ANGPT1: variants seen among roughly 807,000 people sequenced by gnomAD.
The protein encoded by ANGPT1 is angiopoietin 1.
Under a neutral mutation model 62.2 loss-of-function variants are expected in ANGPT1, and 17 were observed. The observed-to-expected ratio is 0.27, with a 90% confidence interval of 0.19 to 0.41. The LOEUF (loss-of-function observed/expected upper bound fraction) is 0.41, where lower values mean the gene tolerates loss of function less well. Among genes scored for constraint, ANGPT1 ranks in the 10% least tolerant of loss-of-function variants. The pLI, the probability that ANGPT1 is intolerant of heterozygous loss-of-function variation, is 1.00. For synonymous variants in ANGPT1, 199 were observed against 198.9 expected (o/e 1.00, Z 0.00); for missense variants, 478 against 594.9 (o/e 0.80, Z 2.04).
At chr8:107,331,081 T>C (rs1815409074) in intron 3 of ANGPT1, among the ~76,000 whole-genome samples, 1 of 152,168 alleles carries the variant, frequency 6.6e-6, no homozygotes, top group African/African-American at 2.4e-5. Context: ...CAAGTTACTT[T>C]AGCATTTTGT....
intron 6 of ANGPT1, 40 bp from the exon 7 acceptor site, chr8:107,284,888 G>C: frequency 7.2e-7 from 1 of 1,394,074 alleles, no homozygotes. Flanking sequence ...ACTTTAGAGA[G>C]GAATTCTTTT....
At chr8:107,287,232 C>T (rs1329289741) in intron 6 of ANGPT1, among the ~76,000 whole-genome samples, 1 of 152,126 alleles carries the variant, frequency 6.6e-6, no homozygotes, top group East Asian at 1.9e-4. Flanking sequence ...TCTCCAACTT[C>T]CCCAGGGAAA....
intron 3 of ANGPT1, among the ~76,000 whole-genome samples, chr8:107,332,196 T>TAAAACAATGGAA (rs1815438872): frequency 6.6e-6 from 1 of 152,192 alleles, no homozygotes; most frequent in Non-Finnish European, 1.5e-5. Flanking sequence ...TCCTACTTTG[T>TAAAACAATGGAA]GTTCATCTCA....
intron 5 of ANGPT1, among the ~76,000 whole-genome samples, chr8:107,296,489 T>A (rs986889127): frequency 1.3e-5 from 2 of 151,992 alleles, no homozygotes; most frequent in African/African-American, 4.8e-5. Flanking sequence ...AAATATAACT[T>A]CAATTTGAAT....
chr8:107,370,388 G>GA (rs755450545), intron 1 of ANGPT1, among the ~76,000 whole-genome samples: 2,117 of 54,122 alleles, frequency 0.039, 553 homozygotes, highest in Non-Finnish European at 0.077. Context: ...AAGAAAGAAA[G>GA]AAAGAAAGAA....
At chr8:107,487,139 A>G (rs1812834407) in intron 1 of ANGPT1, among the ~76,000 whole-genome samples, 2 of 152,054 alleles carry the variant, frequency 1.3e-5, no homozygotes, top group Admixed American at 1.3e-4. Context: ...AGGGACAGTC[A>G]CTGGTCTCTC....
At chr8:107,460,619 C>A (rs1239636489) in intron 1 of ANGPT1, among the ~76,000 whole-genome samples, 1 of 152,132 alleles carries the variant, frequency 6.6e-6, no homozygotes. Context: ...AGAAATATTT[C>A]TGCAACAAAC....
chr8:107,391,089 A>G (rs1315926585), intron 1 of ANGPT1, among the ~76,000 whole-genome samples: 9 of 152,230 alleles, frequency 5.9e-5, no homozygotes, highest in Non-Finnish European at 1.3e-4. Context: ...CAATGAAAAA[A>G]GTTTTAATTT....
At chr8:107,352,514 A>T (rs748128956) in intron 1 of ANGPT1, among the ~76,000 whole-genome samples, 9 of 151,790 alleles carry the variant, frequency 5.9e-5, no homozygotes, top group Non-Finnish European at 1.2e-4. Context: ...GACTCTCAAA[A>T]CCCTTGCGGG....
chr8:107,472,280 A>T (rs1318751727), intron 1 of ANGPT1, among the ~76,000 whole-genome samples: 1 of 152,036 alleles, frequency 6.6e-6, no homozygotes, highest in Non-Finnish European at 1.5e-5. Context: ...AAGTTTCTCC[A>T]GTGCAAAGTT....
At chr8:107,419,964 A>G (rs188955437) in intron 1 of ANGPT1, among the ~76,000 whole-genome samples, 3 of 152,328 alleles carry the variant, frequency 2.0e-5, no homozygotes, top group Non-Finnish European at 2.9e-5. Context: ...ACATCTCATT[A>G]GTTAATATGT....
intron 1 of ANGPT1, among the ~76,000 whole-genome samples, chr8:107,471,775 A>G (rs1234935380): frequency 6.6e-6 from 1 of 152,068 alleles, no homozygotes; most frequent in African/African-American, 2.4e-5. Context: ...TTCATGTTAC[A>G]ATAGAATTAT....
intron 4 of ANGPT1, among the ~76,000 whole-genome samples, chr8:107,306,784 C>T (rs1475858833): frequency 6.6e-6 from 1 of 151,836 alleles, no homozygotes; most frequent in Non-Finnish European, 1.5e-5. Context: ...AGTGGCTCAC[C>T]CTGTAATACC....
chr8:107,262,853 G>C (rs1372350769), intron 8 of ANGPT1, among the ~76,000 whole-genome samples: 2 of 151,942 alleles, frequency 1.3e-5, no homozygotes, highest in Admixed American at 1.3e-4. Context: ...TTTGCCATTG[G>C]GTTTTATCTT....
intron 1 of ANGPT1, among the ~76,000 whole-genome samples, chr8:107,399,392 A>G (rs181011397): frequency 6.6e-6 from 1 of 152,366 alleles, no homozygotes; most frequent in African/African-American, 2.4e-5. Context: ...TAAAAAAGTT[A>G]TCAGAATAAA....
At chr8:107,493,396 G>T (rs1813015429) in intron 1 of ANGPT1, among the ~76,000 whole-genome samples, 2 of 150,502 alleles carry the variant, frequency 1.3e-5, no homozygotes, top group Non-Finnish European at 1.5e-5. Context: ...CAACAGAGCT[G>T]ACCCTTAAAG....
At chr8:107,304,050 A>C (rs1179644446) in intron 4 of ANGPT1, among the ~76,000 whole-genome samples, 1 of 151,938 alleles carries the variant, frequency 6.6e-6, no homozygotes, top group African/African-American at 2.4e-5. Context: ...TTAATGCCCT[A>C]AAGTTAAATC....
chr8:107,346,525 T>C (rs1815807161), intron 2 of ANGPT1, among the ~76,000 whole-genome samples: 1 of 152,208 alleles, frequency 6.6e-6, no homozygotes, highest in African/African-American at 2.4e-5. Flanking sequence ...TTGTCCTTTC[T>C]ATCTGCTGAA....
At chr8:107,447,039 C>T (rs1194337894) in intron 1 of ANGPT1, among the ~76,000 whole-genome samples, 1 of 152,164 alleles carries the variant, frequency 6.6e-6, no homozygotes, top group African/African-American at 2.4e-5. Context: ...TCTCTCATAG[C>T]CAACGCCTCA....
Sources: gnomAD v4.1 joint callset for allele counts (sites outside exome capture counted in the v4.1 genomes callset) on GRCh38, gnomAD v4.1.1 for gene constraint, MANE v1.5 for transcripts, NCBI Gene and HGNC (gene_info 2026-07-23, HGNC 2026-07-21) for gene names.